TMEM117: variants seen among roughly 807,000 people sequenced by gnomAD.
The protein encoded by TMEM117 is transmembrane protein 117.
Under a neutral mutation model 52.4 loss-of-function variants are expected in TMEM117, and 27 were observed. That is an observed-to-expected ratio of 0.51 (90% CI 0.38 to 0.71). The LOEUF is 0.71. Ranked by LOEUF, TMEM117 falls within the 30% of genes least tolerant of loss-of-function variation. The pLI is 0.00. For missense variants in TMEM117, 556 were observed against 630.5 expected (o/e 0.88, Z 1.26); for synonymous variants, 215 against 206.3 (o/e 1.04, Z -0.36).
chr12:44,304,604 G>T (rs977404953), intron 6 of TMEM117, among the ~76,000 whole-genome samples: 2 of 152,134 alleles, frequency 1.3e-5, no homozygotes, highest in African/African-American at 4.8e-5. Flanking sequence ...CAGTAAAGAG[G>T]ACTTTGTCTT....
intron 6 of TMEM117, among the ~76,000 whole-genome samples, chr12:44,316,714 G>A (rs1224114951): frequency 6.6e-6 from 1 of 152,056 alleles, no homozygotes; most frequent in African/African-American, 2.4e-5. Context: ...TCTCAGGAAT[G>A]CCAGTAATTT....
chr12:44,383,145 C>T (rs764443530), intron 7 of TMEM117, among the ~76,000 whole-genome samples: 8 of 152,260 alleles, frequency 5.3e-5, no homozygotes, highest in Non-Finnish European at 1.2e-4. Context: ...GCCAAGTAAT[C>T]GCACCCATGT....
At chr12:44,042,755 A>AT (rs1946819323) in intron 3 of TMEM117, among the ~76,000 whole-genome samples, 1 of 129,582 alleles carries the variant, frequency 7.7e-6, no homozygotes, top group Non-Finnish European at 1.6e-5. Flanking sequence ...TTAATCCTTA[A>AT]TAAACTACAC....
At chr12:43,965,445 G>T (rs912797485) in intron 3 of TMEM117, among the ~76,000 whole-genome samples, 60 of 152,164 alleles carry the variant, frequency 3.9e-4, no homozygotes, top group African/African-American at 1.4e-3. Context: ...AATTGGCTTG[G>T]ATTAGAGCCA....
chr12:43,999,435 G>A (rs924338609), intron 3 of TMEM117, among the ~76,000 whole-genome samples: 7 of 152,160 alleles, frequency 4.6e-5, no homozygotes, highest in Non-Finnish European at 8.8e-5. Flanking sequence ...AAATAATTAT[G>A]AGGAAAAATT....
chr12:44,120,997 T>C (rs111911366), intron 3 of TMEM117, among the ~76,000 whole-genome samples: 16,315 of 152,284 alleles, frequency 0.11, 2,485 homozygotes, highest in African/African-American at 0.34. Context: ...TACAGTTCCA[T>C]GTGGCTGGAG....
Position 44,388,854 on chromosome 12 carries a change from G to A in TMEM117, c.*182G>A, listed in dbSNP as rs541726969. ...GTTTTCTATTTGTATTATAATACAC[G>A]TGCCTACTGTATACTCAACAGTCCT... On this transcript the variant is annotated 3_prime_UTR_variant, in exon 8 of 8. Coordinates refer to ENST00000266534, the MANE Select transcript of TMEM117 (RefSeq NM_032256.3). 3.6e-5 allele frequency: 24 copies of A among 670,328 alleles called. No individual in the cohort carries two copies. The highest frequency in any genetic ancestry group is 2.6e-4 in the South Asian group (13 of 50,076). The allele number at this position is 670,328 out of a possible 1,614,324, so 41.5% of individuals were successfully genotyped here. A position where few individuals can be genotyped will look rare whatever the true frequency, so the allele number is the denominator to read the frequency against.
At chr12:44,135,811 T>A (rs2138181492) in intron 3 of TMEM117, among the ~76,000 whole-genome samples, 1 of 152,322 alleles carries the variant, frequency 6.6e-6, no homozygotes, top group Middle Eastern at 3.4e-3. Flanking sequence ...ATTATTGTAT[T>A]TATGTCCCAT....
chr12:44,394,006 G>A (rs570006740), downstream of TMEM117, among the ~76,000 whole-genome samples: 6 of 152,262 alleles, frequency 3.9e-5, no homozygotes, highest in East Asian at 9.6e-4. Flanking sequence ...GAATGTTAGA[G>A]GAAGAACTGG....
intron 2 of TMEM117, among the ~76,000 whole-genome samples, chr12:43,899,269 T>C (rs1263386294): frequency 6.6e-6 from 1 of 152,228 alleles, no homozygotes; most frequent in Non-Finnish European, 1.5e-5. Context: ...AGTTGGATTA[T>C]CTAGGGCTCC....
rs537506360 is a variant in TMEM117 at position 44,365,751 on chromosome 12, T to TTTA, written c.769-10824_769-10822dup. 5.7e-3 allele frequency among the ~76,000 whole-genome samples: 868 copies of TTTA among 151,368 alleles called. 13 individuals are homozygous for TTTA. Among genetic ancestry groups the TTTA allele is most frequent in the African/African-American group, 0.018 (724 of 41,370 alleles). ...GTCAATCTCCTATAAAGGATTTTCTTTTATTATTATTATTATTATTATACT... is the reference window on the plus strand; with the variant it reads ...GTCAATCTCCTATAAAGGATTTTCTTTTATTATTATTATTATTATTATTATACT... On this transcript the variant is annotated intron_variant, in intron 6 of 7. Transcript: ENST00000266534.
chr12:43,950,361 G>C (rs1945199039), intron 3 of TMEM117, among the ~76,000 whole-genome samples: 1 of 152,114 alleles, frequency 6.6e-6, no homozygotes, highest in South Asian at 2.1e-4. Flanking sequence ...GCTGTTGATT[G>C]GCTATACAGC....
At chr12:44,371,959 A>G (rs1951870129) in intron 6 of TMEM117, among the ~76,000 whole-genome samples, 1 of 152,220 alleles carries the variant, frequency 6.6e-6, no homozygotes, top group African/African-American at 2.4e-5. Context: ...AAATACACCC[A>G]TATGAATAAA....
chr12:44,369,921 A>G (rs1197276354), intron 6 of TMEM117, among the ~76,000 whole-genome samples: 1 of 152,214 alleles, frequency 6.6e-6, no homozygotes, highest in Non-Finnish European at 1.5e-5. Context: ...AGAATACAAC[A>G]TAAGAGAAAA....
At chr12:43,964,486 A>T (rs921833774) in intron 3 of TMEM117, among the ~76,000 whole-genome samples, 1 of 152,152 alleles carries the variant, frequency 6.6e-6, no homozygotes, top group South Asian at 2.1e-4. Flanking sequence ...CTTCTAACAC[A>T]CAATGTCCTT....
chr12:43,819,163 TAGACCTAAAAA>T, the TMEM117 span, among the ~76,000 whole-genome samples: 1 of 152,232 alleles, frequency 6.6e-6, no homozygotes, highest in South Asian at 2.1e-4. Flanking sequence ...TGTTTGATTG[TAGACCTAAAAA>T]TCCACTTTCT....
intron 6 of TMEM117, among the ~76,000 whole-genome samples, chr12:44,302,777 T>C (rs1348603973): frequency 6.6e-5 from 10 of 152,198 alleles, no homozygotes; most frequent in Admixed American, 6.5e-4. Flanking sequence ...GTAAGAGAGT[T>C]AATTTAAGGA....
At chr12:43,864,540 C>T (rs1276058931) in intron 2 of TMEM117, among the ~76,000 whole-genome samples, 6 of 152,118 alleles carry the variant, frequency 3.9e-5, no homozygotes, top group Admixed American at 3.3e-4. Flanking sequence ...TTTGTAAATA[C>T]ACCAATCAGC....
chr12:44,398,176 A>G, the TMEM117 span, among the ~76,000 whole-genome samples: 3 of 151,510 alleles, frequency 2.0e-5, no homozygotes, highest in Non-Finnish European at 4.4e-5. Flanking sequence ...ATAAATCTGG[A>G]CATTGAAGAA....
Sources: allele counts gnomAD v4.1 joint callset (sites outside exome capture counted in the v4.1 genomes callset), GRCh38; gene constraint gnomAD v4.1.1; transcripts MANE v1.5; gene names NCBI Gene and HGNC (gene_info 2026-07-23, HGNC 2026-07-21).